Variants in VPS13B observed in about 807,000 individuals in gnomAD.
The protein encoded by VPS13B is intermembrane lipid transfer protein VPS13B.
Under a neutral mutation model 426.4 loss-of-function variants are expected in VPS13B, and 285 were observed. That is an observed-to-expected ratio of 0.67 (90% CI 0.61 to 0.74). VPS13B has a LOEUF of 0.74. Ranked by LOEUF, VPS13B falls within the 30% of genes least tolerant of loss-of-function variation. VPS13B has a pLI of 0.00. For synonymous variants in VPS13B, 1,676 were observed against 1,676.4 expected (o/e 1.00, Z 0.01); for missense variants, 4,537 against 4,782.6 (o/e 0.95, Z 1.51).
intron 19 of VPS13B, among the ~76,000 whole-genome samples, chr8:99,310,769 C>T (rs529282039): frequency 2.0e-5 from 3 of 152,260 alleles, no homozygotes; most frequent in East Asian, 1.9e-4. Context: ...ATGGTACCAG[C>T]TCCTCCTTGT....
chr8:99,117,053 G>GA (rs34664325), intron 7 of VPS13B, among the ~76,000 whole-genome samples: 125,172 of 152,056 alleles, frequency 0.82, 51,999 homozygotes, highest in South Asian at 0.89. Flanking sequence ...AAGATGAAAG[G>GA]ATGACTGATT....
intron 23 of VPS13B, among the ~76,000 whole-genome samples, chr8:99,449,197 C>T (rs1202171741): frequency 6.6e-6 from 1 of 152,058 alleles, no homozygotes; most frequent in Non-Finnish European, 1.5e-5. Context: ...AACTTAATGA[C>T]TGGATTAGTT....
chr8:99,040,995 A>G (rs1842942502), intron 3 of VPS13B, among the ~76,000 whole-genome samples: 1 of 152,196 alleles, frequency 6.6e-6, no homozygotes, highest in Non-Finnish European at 1.5e-5. Flanking sequence ...AAATATTTAT[A>G]TAATCTCAGC....
At chr8:99,223,340 T>C (rs1469126501) in intron 17 of VPS13B, among the ~76,000 whole-genome samples, 2 of 152,086 alleles carry the variant, frequency 1.3e-5, no homozygotes. Context: ...GAAAAAATAT[T>C]AATAGTATTG....
intron 17 of VPS13B, among the ~76,000 whole-genome samples, chr8:99,232,658 C>T (rs1816402911): frequency 6.6e-6 from 1 of 152,180 alleles, no homozygotes; most frequent in South Asian, 2.1e-4. Context: ...AATATGTGCA[C>T]ACATGTACAG....
chr8:99,438,607 A>G (rs1817523060), intron 22 of VPS13B, among the ~76,000 whole-genome samples: 1 of 152,106 alleles, frequency 6.6e-6, no homozygotes, highest in Non-Finnish European at 1.5e-5. Flanking sequence ...GATTTATAAC[A>G]CTTACTCTGG....
At chr8:99,743,185 GACAA>G (rs1455688249) in intron 39 of VPS13B, among the ~76,000 whole-genome samples, 7 of 151,918 alleles carry the variant, frequency 4.6e-5, no homozygotes, top group African/African-American at 1.7e-4. Context: ...ACCAATAACA[GACAA>G]ACAGCCAAAT....
intron 50 of VPS13B, among the ~76,000 whole-genome samples, chr8:99,822,896 T>TGA (rs1359131210): frequency 2.6e-5 from 4 of 152,188 alleles, no homozygotes; most frequent in African/African-American, 9.6e-5. Context: ...TGTACGTTCA[T>TGA]GAGAGAATTC....
chr8:99,041,257 TGTCA>T (rs1842949901), intron 3 of VPS13B, among the ~76,000 whole-genome samples: 1 of 152,226 alleles, frequency 6.6e-6, no homozygotes, highest in African/African-American at 2.4e-5. Context: ...GATGTATCTA[TGTCA>T]GTCATTGCCC....
rs561581218 is a variant in VPS13B, at chr8:99,341,650, C to T, written c.2825-42558C>T. 20 of 294,096 alleles carry T rather than the reference C, an allele frequency of 6.8e-5. No homozygotes were observed. The East Asian group carries it at 1.6e-3, about 24-fold the overall frequency. 18.2% of individuals were successfully genotyped at this position (294,096 alleles called of 1,614,324 possible). A position where few individuals can be genotyped will look rare whatever the true frequency, so the allele number is the denominator to read the frequency against. ...TGATTTGCACCTGTATTACAGTGTACGTGATCTTTGGCTGCCCATCTATCA... is the reference window on the plus strand; with the variant it reads ...TGATTTGCACCTGTATTACAGTGTATGTGATCTTTGGCTGCCCATCTATCA... On this transcript the variant is annotated intron_variant, in intron 19 of 61. Transcript: ENST00000357162.
At chr8:99,372,045 A>G (rs1813209324) in intron 19 of VPS13B, among the ~76,000 whole-genome samples, 2 of 152,142 alleles carry the variant, frequency 1.3e-5, no homozygotes, top group South Asian at 2.1e-4. Flanking sequence ...AGGTCAGGAG[A>G]TCGAGACCAT....
intron 30 of VPS13B, among the ~76,000 whole-genome samples, chr8:99,542,123 T>A (rs1396961339): frequency 6.6e-6 from 1 of 152,200 alleles, no homozygotes; most frequent in Non-Finnish European, 1.5e-5. Context: ...TCTCCTGACC[T>A]CATGATCCGC....
intron 23 of VPS13B, among the ~76,000 whole-genome samples, chr8:99,452,541 T>C (rs558168859): frequency 1.3e-5 from 2 of 152,276 alleles, no homozygotes; most frequent in South Asian, 2.1e-4. Flanking sequence ...TTATTCATGG[T>C]AAATCGTGGT....
At chr8:99,726,522 G>T (rs1588659377) in intron 39 of VPS13B, among the ~76,000 whole-genome samples, 1 of 152,048 alleles carries the variant, frequency 6.6e-6, no homozygotes, top group Non-Finnish European at 1.5e-5. Flanking sequence ...ATTGGTAATG[G>T]GTATTTTAAT....
chr8:99,859,539 A>T (rs1424372140), intron 57 of VPS13B, 59 bp downstream of exon 57: 410 of 1,316,254 alleles, frequency 3.1e-4, no homozygotes, highest in Middle Eastern at 7.5e-4. Flanking sequence ...TTTTTTTTTT[A>T]AAGAATGTGC....
At chr8:99,427,529 A>G (rs997767540) in intron 21 of VPS13B, among the ~76,000 whole-genome samples, 1 of 151,970 alleles carries the variant, frequency 6.6e-6, no homozygotes, top group East Asian at 1.9e-4. Context: ...ATGCACTCCC[A>G]TTCACAATTG....
chr8:99,146,528 A>G (rs759323848), intron 13 of VPS13B, among the ~76,000 whole-genome samples: 1 of 152,136 alleles, frequency 6.6e-6, no homozygotes, highest in Non-Finnish European at 1.5e-5. Context: ...CCTCATTATA[A>G]CTTTCATTTA....
At chr8:99,402,017 T>A (rs77363491) in intron 21 of VPS13B, among the ~76,000 whole-genome samples, 322 of 152,256 alleles carry the variant, frequency 2.1e-3, no homozygotes, top group Middle Eastern at 0.01. Flanking sequence ...GCACCACATA[T>A]TTTGGAGAAT....
chr8:99,543,117 T>C (rs113527689), intron 30 of VPS13B, among the ~76,000 whole-genome samples: 218 of 152,150 alleles, frequency 1.4e-3, no homozygotes, highest in African/African-American at 5.0e-3. Flanking sequence ...AACAGAGATA[T>C]AGATCAATGG....
Sources: allele counts gnomAD v4.1 joint callset (sites outside exome capture counted in the v4.1 genomes callset), GRCh38; gene constraint gnomAD v4.1.1; transcripts MANE v1.5; gene names NCBI Gene and HGNC (gene_info 2026-07-23, HGNC 2026-07-21).